The following MYT1L variants were observed in gnomAD, a reference collection of about 807,000 sequenced individuals.
MYT1L encodes myelin transcription factor 1-like protein.
MYT1L carries 12 observed loss-of-function variants against 126.7 expected under a neutral mutation model. The ratio of observed to expected loss-of-function variants is 0.09; its 90% CI spans 0.06 to 0.15. The LOEUF (loss-of-function observed/expected upper bound fraction) is 0.15. MYT1L is among the 10% of genes least tolerant of loss of function. The pLI is 1.00. For synonymous variants in MYT1L, 541 were observed against 604.2 expected (o/e 0.90, Z 1.53); for missense variants, 979 against 1,585.2 (o/e 0.62, Z 6.49).
At chr2:2,143,180 C>G (rs1315572258) in intron 3 of MYT1L, among the ~76,000 whole-genome samples, 1 of 151,222 alleles carries the variant, frequency 6.6e-6, no homozygotes, top group Non-Finnish European at 1.5e-5. Context: ...GTCCCAGCTA[C>G]TCGGGAGGCT....
chr2:1,803,201 A>G (rs189122956), intron 22 of MYT1L, among the ~76,000 whole-genome samples: 2 of 152,348 alleles, frequency 1.3e-5, no homozygotes, highest in East Asian at 1.9e-4. Flanking sequence ...AAAAATCCCA[A>G]TTCATAAAGC....
intron 4 of MYT1L, among the ~76,000 whole-genome samples, chr2:2,014,058 C>T (rs2064112500): frequency 6.6e-6 from 1 of 152,228 alleles, no homozygotes; most frequent in Non-Finnish European, 1.5e-5. Flanking sequence ...TAAATAACAA[C>T]TAACTGCTAA....
intron 2 of MYT1L, among the ~76,000 whole-genome samples, chr2:2,211,650 C>T (rs949567534): frequency 4.6e-5 from 7 of 151,728 alleles, no homozygotes; most frequent in African/African-American, 1.4e-4. Context: ...ACTAAAAATA[C>T]AAAAATTAGC....
chr2:2,223,679 A>G (rs1414041618), intron 2 of MYT1L, among the ~76,000 whole-genome samples: 1 of 152,170 alleles, frequency 6.6e-6, no homozygotes, highest in Non-Finnish European at 1.5e-5. Flanking sequence ...TCTTTACAAG[A>G]TTGGATTCAA....
intron 2 of MYT1L, among the ~76,000 whole-genome samples, chr2:2,241,723 T>C (rs954468627): frequency 3.3e-5 from 5 of 152,234 alleles, no homozygotes; most frequent in African/African-American, 1.2e-4. Context: ...ACGTGTCCAC[T>C]GACAGATGTA....
chr2:2,269,365 A>G (rs767306679), intron 2 of MYT1L, among the ~76,000 whole-genome samples: 2 of 152,182 alleles, frequency 1.3e-5, no homozygotes, highest in Non-Finnish European at 2.9e-5. Flanking sequence ...TGCAGCCCAC[A>G]TTCTGAGCAG....
chr2:2,180,582 G>T (rs909656851), intron 2 of MYT1L, among the ~76,000 whole-genome samples: 11 of 151,224 alleles, frequency 7.3e-5, no homozygotes, highest in African/African-American at 1.2e-4. Context: ...ACCTGTGTGT[G>T]CGCCTATGTG....
chr2:2,218,473 A>T (rs1341118225), intron 2 of MYT1L, among the ~76,000 whole-genome samples: 1 of 152,188 alleles, frequency 6.6e-6, no homozygotes, highest in Non-Finnish European at 1.5e-5. Context: ...AAAACTACAT[A>T]CTATGCCACA....
chr2:1,983,512 G>A (rs2060765285), intron 5 of MYT1L, among the ~76,000 whole-genome samples: 1 of 152,206 alleles, frequency 6.6e-6, no homozygotes, highest in Non-Finnish European at 1.5e-5. Flanking sequence ...ATTTTCTAAT[G>A]TGTGCACCTG....
At chr2:1,919,928 C>T (rs1265826516) in intron 10 of MYT1L, among the ~76,000 whole-genome samples, 1 of 151,856 alleles carries the variant, frequency 6.6e-6, no homozygotes, top group Non-Finnish European at 1.5e-5. Context: ...CAGTGTTAGC[C>T]AGGATGGTCT....
At chr2:2,039,308 T>G (rs990920360) in intron 4 of MYT1L, among the ~76,000 whole-genome samples, 17 of 151,798 alleles carry the variant, frequency 1.1e-4, no homozygotes, top group African/African-American at 4.1e-4. Flanking sequence ...GAGGCCCTGG[T>G]GGGAGGATCG....
rs1260732925 is a variant in MYT1L, at chr2:1,892,278, T to C, written c.2042A>G (p.Tyr681Cys). 1.4e-5 allele frequency: 21 copies of C among 1,548,298 alleles called. No homozygotes were observed. Among genetic ancestry groups the C allele is most frequent in the Non-Finnish European group, 1.7e-5 (20 of 1,146,154 alleles). Reference protein sequence around the residue: ...SPKGYDDAKRYCKDPSPSSSS... With the variant: ...SPKGYDDAKRCCKDPSPSSSS... ...GCTGCTGGGGCTGGGGTCCTTGCAG[T>C]ACCGCTTCGCTGGGGAGACAGGGAC... Residue 681 changes from tyrosine (Y) to cysteine (C), a missense_variant, in exon 15 of 25, where the codon TAC becomes TGC. Tyr to Cys is a radical substitution (Grantham distance 194). Transcript: ENST00000647738.
intron 9 of MYT1L, among the ~76,000 whole-genome samples, chr2:1,927,952 A>G (rs2054455550): frequency 6.6e-6 from 1 of 152,080 alleles, no homozygotes; most frequent in Admixed American, 6.5e-5. Flanking sequence ...AACCATCTAT[A>G]TATTTCTTTT....
At chr2:1,886,652 C>T (rs368221724) in intron 17 of MYT1L, 45 bp from the exon 18 acceptor site, 63 of 1,329,210 alleles carry the variant, frequency 4.7e-5, no homozygotes, top group Middle Eastern at 1.9e-4. Flanking sequence ...CTGCGAAGCG[C>T]GTAACTCCCA....
At chr2:2,034,097 T>A (rs2066731407) in intron 4 of MYT1L, among the ~76,000 whole-genome samples, 1 of 152,174 alleles carries the variant, frequency 6.6e-6, no homozygotes, top group South Asian at 2.1e-4. Context: ...ACTTCATTTT[T>A]CTCATTAAAT....
chr2:1,950,984 G>A (rs888592634), intron 8 of MYT1L, among the ~76,000 whole-genome samples: 1 of 152,242 alleles, frequency 6.6e-6, no homozygotes. Flanking sequence ...CATGTGGGAC[G>A]CGGCCTGGTT....
intron 4 of MYT1L, among the ~76,000 whole-genome samples, chr2:2,051,156 C>G (rs1230152744): frequency 6.6e-6 from 1 of 152,146 alleles, no homozygotes; most frequent in Non-Finnish European, 1.5e-5. Context: ...TTATAAACAC[C>G]AAACCTAAGC....
chr2:2,188,816 C>G (rs1201471932), intron 2 of MYT1L, among the ~76,000 whole-genome samples: 1 of 152,086 alleles, frequency 6.6e-6, no homozygotes, highest in South Asian at 2.1e-4. Flanking sequence ...GCAGGTGGGT[C>G]AGAGTTTTGA....
At chr2:2,256,840 G>A (rs2094825704) in intron 2 of MYT1L, among the ~76,000 whole-genome samples, 1 of 152,186 alleles carries the variant, frequency 6.6e-6, no homozygotes, top group African/African-American at 2.4e-5. Flanking sequence ...CAGGGGAAGT[G>A]CAAAGCAAAT....
Sources: allele counts gnomAD v4.1 joint callset (sites outside exome capture counted in the v4.1 genomes callset), GRCh38; gene constraint gnomAD v4.1.1; transcripts MANE v1.5; gene names NCBI Gene and HGNC (gene_info 2026-07-23, HGNC 2026-07-21).